The following NCALD variants were observed in gnomAD, a reference collection of about 807,000 sequenced individuals.
The protein encoded by NCALD is neurocalcin delta, also known as neurocalcin-delta.
A neutral mutation model predicts 18.6 loss-of-function variants in NCALD; 10 were observed. The ratio of observed to expected loss-of-function variants is 0.54; its 90% CI spans 0.33 to 0.91. The LOEUF is 0.91. Ranked by LOEUF, NCALD falls within the 40% of genes least tolerant of loss-of-function variation. NCALD has a pLI of 0.03. For synonymous variants in NCALD, 88 were observed against 87.4 expected, an observed-to-expected ratio of 1.01 and a Z score of -0.04; for missense variants, 184 against 247.6, an observed-to-expected ratio of 0.74 and a Z score of 1.72.
At chr8:101,733,063 C>T (rs10107483) in intron 1 of NCALD, among the ~76,000 whole-genome samples, 34,618 of 152,006 alleles carry the variant, frequency 0.23, 5,932 homozygotes, top group African/African-American at 0.49. Flanking sequence ...GAACCAGAAC[C>T]ATCCTCTTCA....
In NCALD at chr8:101,967,097, C is replaced by G. The variant is rs934691912; in HGVS notation, c.-156-51239G>C. 3.9e-5 allele frequency among the ~76,000 whole-genome samples: 6 copies of G among 152,248 alleles called. No homozygotes were observed. In the East Asian group the frequency reaches 7.7e-4, roughly 20 times the overall value. On this transcript the variant is annotated intron_variant, in intron 2 of 6. Transcript: ENST00000311028. ...AGGGAAAGAACTAGAGCTTTCAAAA[C>G]AGCTGCCAAAAATTTTTGGAACAAA...
intron 4 of NCALD, chr8:101,872,196 G>A: frequency 6.3e-7 from 1 of 1,578,616 alleles, no homozygotes; most frequent in Non-Finnish European, 8.7e-7. Context: ...GTTTGCAAAG[G>A]TGCAAGATGA....
intron 2 of NCALD, among the ~76,000 whole-genome samples, chr8:101,696,070 C>T (rs1814975720): frequency 6.6e-6 from 1 of 152,052 alleles, no homozygotes; most frequent in South Asian, 2.1e-4. Flanking sequence ...TTGAGCTTTT[C>T]CCTTAGAAAC....
At chr8:101,896,525 G>C (rs1025698071) in intron 3 of NCALD, among the ~76,000 whole-genome samples, 100 of 151,836 alleles carry the variant, frequency 6.6e-4, no homozygotes, top group South Asian at 6.2e-4. Flanking sequence ...GGGATCTAAT[G>C]AAACTAAAGA....
At chr8:101,704,323 G>A (rs1220359636) in intron 2 of NCALD, among the ~76,000 whole-genome samples, 1 of 152,070 alleles carries the variant, frequency 6.6e-6, no homozygotes, top group African/African-American at 2.4e-5. Context: ...CAACAAAAAA[G>A]AAAGCATTAT....
At chr8:101,910,532 A>T (rs922305701) in intron 3 of NCALD, among the ~76,000 whole-genome samples, 2 of 152,204 alleles carry the variant, frequency 1.3e-5, no homozygotes, top group African/African-American at 4.8e-5. Context: ...CTAATAAGGA[A>T]ATCCAATGTG....
chr8:102,000,854 G>T (rs777494593), intron 2 of NCALD, among the ~76,000 whole-genome samples: 4 of 152,106 alleles, frequency 2.6e-5, no homozygotes, highest in Non-Finnish European at 4.4e-5. Context: ...AGAAAGGACA[G>T]CCACACCAAA....
chr8:102,100,147 T>C (rs564207413), intron 1 of NCALD, among the ~76,000 whole-genome samples: 1 of 152,304 alleles, frequency 6.6e-6, no homozygotes, highest in Admixed American at 6.5e-5. Flanking sequence ...TAAATTATTT[T>C]CATATTCCTC....
chr8:102,005,915 G>A (rs761519380), intron 2 of NCALD, among the ~76,000 whole-genome samples: 2 of 151,592 alleles, frequency 1.3e-5, no homozygotes, highest in African/African-American at 4.9e-5. Context: ...AGCATTAGGA[G>A]ATATACCTAA....
chr8:101,826,386 A>T (rs1020273533), intron 4 of NCALD, among the ~76,000 whole-genome samples: 1 of 152,150 alleles, frequency 6.6e-6, no homozygotes, highest in Admixed American at 6.5e-5. Context: ...TCTTCATGAG[A>T]CTTCTAGAAT....
At chr8:101,959,986 T>C (rs1819778033) in intron 2 of NCALD, among the ~76,000 whole-genome samples, 1 of 151,976 alleles carries the variant, frequency 6.6e-6, no homozygotes, top group Admixed American at 6.6e-5. Flanking sequence ...CCTCTCCTAT[T>C]CCACAATACC....
At chr8:102,109,817 T>C (rs1353543216) in intron 1 of NCALD, among the ~76,000 whole-genome samples, 1 of 152,164 alleles carries the variant, frequency 6.6e-6, no homozygotes, top group African/African-American at 2.4e-5. Context: ...AAATAAAATA[T>C]GCACAATATA....
chr8:101,999,421 G>A (rs1433472916), intron 2 of NCALD, among the ~76,000 whole-genome samples: 1 of 152,152 alleles, frequency 6.6e-6, no homozygotes, highest in East Asian at 1.9e-4. Context: ...ACTCAGGAAT[G>A]GAAAACCAAA....
chr8:101,691,916 C>G (rs922582015), intron 3 of NCALD: 2 of 985,310 alleles, frequency 2.0e-6, no homozygotes, highest in Middle Eastern at 5.2e-4. Flanking sequence ...ATAATAACAG[C>G]AAGAGCTACA....
chr8:101,958,371 G>A (rs574632466), intron 2 of NCALD, among the ~76,000 whole-genome samples: 44 of 152,024 alleles, frequency 2.9e-4, no homozygotes, highest in Admixed American at 1.2e-3. Flanking sequence ...GAATTTACTC[G>A]TACAGCATAA....
At chr8:102,076,135 A>G (rs1289623164) in intron 1 of NCALD, among the ~76,000 whole-genome samples, 2 of 152,288 alleles carry the variant, frequency 1.3e-5, no homozygotes, top group East Asian at 3.9e-4. Context: ...TATAAATAGT[A>G]TAAAGACCAA....
intron 1 of NCALD, among the ~76,000 whole-genome samples, chr8:101,720,460 AC>A (rs1332659889): frequency 1.3e-4 from 20 of 152,202 alleles, no homozygotes; most frequent in Non-Finnish European, 2.9e-5. Flanking sequence ...TCAAATACTA[AC>A]CCTGAGAGAT....
chr8:101,864,369 G>C (rs1414210027), intron 4 of NCALD, among the ~76,000 whole-genome samples: 1 of 152,154 alleles, frequency 6.6e-6, no homozygotes, highest in Non-Finnish European at 1.5e-5. Flanking sequence ...GTGAGTGATG[G>C]AATGCCAGTG....
At chr8:101,905,903 G>A (rs946694378) in intron 3 of NCALD, among the ~76,000 whole-genome samples, 1 of 152,148 alleles carries the variant, frequency 6.6e-6, no homozygotes, top group Non-Finnish European at 1.5e-5. Flanking sequence ...TACAGTTTCT[G>A]CATAAATAGA....
Sources: gnomAD v4.1 joint callset for allele counts (sites outside exome capture counted in the v4.1 genomes callset) on GRCh38, gnomAD v4.1.1 for gene constraint, MANE v1.5 for transcripts, NCBI Gene and HGNC (gene_info 2026-07-23, HGNC 2026-07-21) for gene names.